The following CDH4 variants were observed in gnomAD, a reference collection of about 807,000 sequenced individuals.
CDH4 encodes cadherin 4, also known as cadherin-4.
CDH4 carries 33 observed loss-of-function variants against 86.0 expected under a neutral mutation model. That is an observed-to-expected ratio of 0.38 (90% CI 0.29 to 0.51). The LOEUF (loss-of-function observed/expected upper bound fraction) is 0.51, where lower values mean the gene tolerates loss of function less well. Among genes scored for constraint, CDH4 ranks in the 20% least tolerant of loss-of-function variants. CDH4 has a pLI of 0.86. For missense variants in CDH4, 1,114 were observed against 1,307.4 expected, an observed-to-expected ratio of 0.85 and a Z score of 2.28; for synonymous variants, 555 against 549.4, an observed-to-expected ratio of 1.01 and a Z score of -0.14.
chr20:61,748,127 T>G (rs887955699), intron 3 of CDH4, among the ~76,000 whole-genome samples: 11 of 151,988 alleles, frequency 7.2e-5, no homozygotes, highest in African/African-American at 2.7e-4. Context: ...TCCATGCCAT[T>G]GAATGATTTC....
At chr20:61,534,998 G>A (rs1176113436) in intron 2 of CDH4, among the ~76,000 whole-genome samples, 1 of 152,132 alleles carries the variant, frequency 6.6e-6, no homozygotes, top group East Asian at 1.9e-4. Context: ...TCACTTAAAG[G>A]GACAATCAAA....
At chr20:61,604,379 T>C (rs1018709634) in intron 2 of CDH4, among the ~76,000 whole-genome samples, 2 of 152,216 alleles carry the variant, frequency 1.3e-5, no homozygotes, top group African/African-American at 2.4e-5. Flanking sequence ...TTATTAATAC[T>C]GTGATGCAGC....
chr20:61,664,919 C>T (rs7268757), intron 2 of CDH4, among the ~76,000 whole-genome samples: 67 of 152,372 alleles, frequency 4.4e-4, no homozygotes, highest in African/African-American at 1.6e-3. Flanking sequence ...AATGAAGTTT[C>T]TTGAAATTAG....
intron 2 of CDH4, among the ~76,000 whole-genome samples, chr20:61,713,536 G>A (rs2087915903): frequency 6.6e-6 from 1 of 152,268 alleles, no homozygotes; most frequent in African/African-American, 2.4e-5. Context: ...CCCCAGGACG[G>A]AGAGCCGTCT....
At chr20:61,513,195 G>A (rs1176538963) in intron 2 of CDH4, among the ~76,000 whole-genome samples, 2 of 152,102 alleles carry the variant, frequency 1.3e-5, no homozygotes, top group Non-Finnish European at 2.9e-5. Flanking sequence ...CCTCCTGCAG[G>A]AGGTCTCAGG....
intron 2 of CDH4, among the ~76,000 whole-genome samples, chr20:61,312,260 G>A (rs1272927134): frequency 8.0e-5 from 12 of 150,794 alleles, no homozygotes; most frequent in Admixed American, 7.9e-4. Context: ...GTGTATATGT[G>A]TGTAATGTGT....
intron 2 of CDH4, among the ~76,000 whole-genome samples, chr20:61,371,466 G>C (rs374161324): frequency 3.3e-5 from 5 of 152,370 alleles, no homozygotes; most frequent in South Asian, 2.1e-4. Context: ...CACCCTGCCA[G>C]CTCTCAGTGC....
At chr20:61,527,200 C>T (rs1235473589) in intron 2 of CDH4, among the ~76,000 whole-genome samples, 1 of 152,240 alleles carries the variant, frequency 6.6e-6, no homozygotes, top group Non-Finnish European at 1.5e-5. Context: ...CCCTGGCACC[C>T]TCCCTAACCT....
intron 2 of CDH4, among the ~76,000 whole-genome samples, chr20:61,291,849 C>G (rs909834289): frequency 6.6e-6 from 1 of 152,214 alleles, no homozygotes; most frequent in Non-Finnish European, 1.5e-5. Context: ...CTCCCAGGAC[C>G]TAAGCCCGAT....
intron 2 of CDH4, among the ~76,000 whole-genome samples, chr20:61,482,355 A>G (rs1001583): frequency 0.44 from 66,397 of 152,020 alleles, 15,149 homozygotes; most frequent in Admixed American, 0.52. Flanking sequence ...CATTTTAACC[A>G]CACAGATCTT....
At chr20:61,397,186 A>G (rs1326012963) in intron 2 of CDH4, among the ~76,000 whole-genome samples, 1 of 152,194 alleles carries the variant, frequency 6.6e-6, no homozygotes. Context: ...CTGGGATTAC[A>G]GGTGTGCACC....
At chr20:61,254,042 C>A (rs1041394455) in intron 1 of CDH4, among the ~76,000 whole-genome samples, 1 of 152,240 alleles carries the variant, frequency 6.6e-6, no homozygotes, top group Non-Finnish European at 1.5e-5. Flanking sequence ...GCCCTGTCGT[C>A]CACCCCATCC....
At chr20:61,874,992 G>A (rs1402397814) in intron 7 of CDH4, among the ~76,000 whole-genome samples, 1 of 152,206 alleles carries the variant, frequency 6.6e-6, no homozygotes, top group African/African-American at 2.4e-5. Context: ...TCGAGCTCTG[G>A]GTGTGCGGGG....
intron 2 of CDH4, among the ~76,000 whole-genome samples, chr20:61,700,379 C>A (rs991328406): frequency 6.6e-6 from 1 of 152,214 alleles, no homozygotes; most frequent in African/African-American, 2.4e-5. Context: ...GGGATATATT[C>A]TTGGTCTGTC....
intron 2 of CDH4, among the ~76,000 whole-genome samples, chr20:61,457,544 T>C (rs1258148764): frequency 6.6e-6 from 1 of 150,972 alleles, no homozygotes; most frequent in African/African-American, 2.5e-5. Flanking sequence ...AAGATGGTGA[T>C]AGTAGTGATG....
chr20:61,384,474 G>A (rs2084940667), intron 2 of CDH4, among the ~76,000 whole-genome samples: 1 of 152,180 alleles, frequency 6.6e-6, no homozygotes, highest in Non-Finnish European at 1.5e-5. Context: ...CTGTGCTGCT[G>A]TCCATCTGGA....
chr20:61,921,001 G>T (rs2054975299), intron 9 of CDH4, among the ~76,000 whole-genome samples: 1 of 147,526 alleles, frequency 6.8e-6, no homozygotes, highest in South Asian at 2.2e-4. Flanking sequence ...TGTCGTGATT[G>T]CATGGAAGCG....
At chr20:61,765,523 TCTCAG>T (rs1050461954) in intron 3 of CDH4, among the ~76,000 whole-genome samples, 16 of 152,218 alleles carry the variant, frequency 1.1e-4, no homozygotes, top group African/African-American at 3.9e-4. Context: ...CAGGCCGGGC[TCTCAG>T]CTCAGCTGCA....
chr20:61,319,495 G>A (rs1243703546), intron 2 of CDH4, among the ~76,000 whole-genome samples: 6 of 152,144 alleles, frequency 3.9e-5, no homozygotes, highest in Non-Finnish European at 7.3e-5. Flanking sequence ...CAATGAGCAC[G>A]GGCATGCGGA....
Sources: allele counts gnomAD v4.1 joint callset (sites outside exome capture counted in the v4.1 genomes callset), GRCh38; gene constraint gnomAD v4.1.1; transcripts MANE v1.5; gene names NCBI Gene and HGNC (gene_info 2026-07-23, HGNC 2026-07-21).